Variants in ADAMTS2 observed in about 807,000 individuals in gnomAD.
ADAMTS2 encodes ADAM metallopeptidase with thrombospondin type 1 motif 2.
A neutral mutation model predicts 123.0 loss-of-function variants in ADAMTS2; 50 were observed. The ratio of observed to expected loss-of-function variants is 0.41; its 90% CI spans 0.32 to 0.51. The LOEUF is 0.51. Among genes scored for constraint, ADAMTS2 ranks in the 20% least tolerant of loss-of-function variants. ADAMTS2 has a pLI of 0.35. For synonymous variants in ADAMTS2, 678 were observed against 695.4 expected, an observed-to-expected ratio of 0.98 and a Z score of 0.39; for missense variants, 1,494 against 1,705.2, an observed-to-expected ratio of 0.88 and a Z score of 2.18.
At chr5:179,191,917 G>A (rs775793491) in intron 4 of ADAMTS2, among the ~76,000 whole-genome samples, 4 of 152,306 alleles carry the variant, frequency 2.6e-5, no homozygotes, top group Admixed American at 6.5e-5. Flanking sequence ...TCCTGCTGGC[G>A]AGGGCCAGGG....
intron 17 of ADAMTS2, 71 bp from the exon 18 acceptor site, chr5:179,126,201 C>G: frequency 3.1e-6 from 5 of 1,597,994 alleles, no homozygotes; most frequent in Non-Finnish European, 4.3e-6. Flanking sequence ...GAGGGGTGGG[C>G]TGCACCAGCA....
intron 3 of ADAMTS2, among the ~76,000 whole-genome samples, chr5:179,258,171 G>T (rs1178673649): frequency 2.0e-5 from 3 of 152,146 alleles, no homozygotes; most frequent in African/African-American, 7.2e-5. Flanking sequence ...CTCTGCACAC[G>T]CTGGGGCTGG....
At chr5:179,251,394 C>T (rs1156268659) in intron 3 of ADAMTS2, among the ~76,000 whole-genome samples, 1 of 152,134 alleles carries the variant, frequency 6.6e-6, no homozygotes, top group Admixed American at 6.5e-5. Context: ...AAGCAGGCCT[C>T]AGACCCCCTC....
At chr5:179,200,361 G>C (rs1764533977) in intron 4 of ADAMTS2, among the ~76,000 whole-genome samples, 1 of 147,628 alleles carries the variant, frequency 6.8e-6, no homozygotes, top group African/African-American at 2.5e-5. Flanking sequence ...CCATTCTCCT[G>C]CCTCAGCCTC....
chr5:179,196,059 G>A (rs1004221881), intron 4 of ADAMTS2, among the ~76,000 whole-genome samples: 2 of 152,092 alleles, frequency 1.3e-5, no homozygotes, highest in African/African-American at 4.8e-5. Context: ...ACTCCTGTCC[G>A]ACCACTGCCT....
chr5:179,188,423 G>T lies in ADAMTS2; in HGVS notation c.892-7268C>A, dbSNP rs1764223240. On this transcript the variant is annotated intron_variant, in intron 4 of 21. Transcript: ENST00000251582. This position sits in a 1 kb window ranked among gnomAD's most constrained non-coding sequence, Gnocchi z 5.1. Reference sequence around the variant, plus strand: ...CAGGAGCAGGGGACAGAGGTCTGCTGGCCTCCGTGGAGGAAGAGTTTAGGC... The same window carrying T: ...CAGGAGCAGGGGACAGAGGTCTGCTTGCCTCCGTGGAGGAAGAGTTTAGGC... Among the ~76,000 whole-genome samples, 1 of 152,190 alleles carries T rather than the reference G, an allele frequency of 6.6e-6. No individual in the cohort carries two copies. The highest frequency in any genetic ancestry group is 1.5e-5 in the Non-Finnish European group (1 of 68,036).
intron 4 of ADAMTS2, among the ~76,000 whole-genome samples, chr5:179,186,627 C>T (rs1204223959): frequency 6.6e-6 from 1 of 152,234 alleles, no homozygotes; most frequent in Non-Finnish European, 1.5e-5. Context: ...TAATTCCCGA[C>T]AAAACACTGG....
At chr5:179,311,489 G>C (rs961645574) in intron 2 of ADAMTS2, among the ~76,000 whole-genome samples, 1 of 152,194 alleles carries the variant, frequency 6.6e-6, no homozygotes, top group Non-Finnish European at 1.5e-5. Flanking sequence ...GGACTCTCCT[G>C]CTTGACCAAA....
intron 5 of ADAMTS2, among the ~76,000 whole-genome samples, chr5:179,169,985 G>A (rs992263411): frequency 2.6e-5 from 4 of 152,166 alleles, no homozygotes; most frequent in Admixed American, 6.5e-5. Flanking sequence ...GAGAACAGTT[G>A]AGTAGCTTTG....
chr5:179,128,255 G>C lies in ADAMTS2; in HGVS notation c.2458-137C>G. On this transcript the variant is annotated intron_variant, in intron 16 of 21. Transcript: ENST00000251582. This position sits in a 1 kb window ranked among gnomAD's most constrained non-coding sequence, Gnocchi z 4.9. ...CAGTTACATTCCATGAAGTCGCCCC[G>C]AGCACCAAATTCTTGAATAGGGAGC... 3 of 1,109,164 alleles carry C rather than the reference G, an allele frequency of 2.7e-6. No individual in the cohort carries two copies. The highest frequency in any genetic ancestry group is 4.0e-6 in the Non-Finnish European group (3 of 759,316). 68.7% of individuals were successfully genotyped at this position (1,109,164 alleles called of 1,614,324 possible). A position where few individuals can be genotyped will look rare whatever the true frequency, so the allele number is the denominator to read the frequency against.
chr5:179,199,014 G>A (rs1366220443), intron 4 of ADAMTS2, among the ~76,000 whole-genome samples: 1 of 152,124 alleles, frequency 6.6e-6, no homozygotes, highest in Non-Finnish European at 1.5e-5. Flanking sequence ...CAGAGAACGG[G>A]AGTCTGAGGT....
At position 179,260,619 on chromosome 5, in the gene ADAMTS2, T is replaced by C. The variant is rs768328311; in HGVS notation, c.688+12292A>G. Among the ~76,000 whole-genome samples, 1 of 152,146 alleles carries C rather than the reference T, an allele frequency of 6.6e-6. No individual in the cohort carries two copies. Among genetic ancestry groups the C allele is most frequent in the African/African-American group, 2.4e-5 (1 of 41,432 alleles). ...GGGTTCTAAGCCTGCTCCTCCCTCC[T>C]GATGCAGGAGTCAAAAGGCCTGGCT... On this transcript the variant is annotated intron_variant, in intron 3 of 21. Coordinates refer to ENST00000251582, the MANE Select transcript of ADAMTS2 (RefSeq NM_014244.5). This position sits in a 1 kb window ranked among gnomAD's most constrained non-coding sequence, Gnocchi z 4.2.
chr5:179,207,567 C>T lies in ADAMTS2; in HGVS notation c.837G>A (p.Val279=). The part of the protein sequence containing the change: ...EVLLGVDDSV[V]QFHGKEHVQK... The stretch of plus-strand genomic sequence containing the variant: ...GTACGTGCTCCTTCCCGTGGAACTG[C>T]ACCACAGAGTCATCCACGCCCAGCA... The change falls in exon 4 of 22, where the codon GTG becomes GTA. Residue 279 remains valine (V), a synonymous_variant. Coordinates refer to ENST00000251582, the MANE Select transcript of ADAMTS2 (RefSeq NM_014244.5). 1.2e-6 allele frequency: 2 copies of T among 1,611,494 alleles called. No homozygotes were observed. Among genetic ancestry groups the T allele is most frequent in the Non-Finnish European group, 8.5e-7 (1 of 1,178,878 alleles).
At chr5:179,319,107 G>A (rs1346112504) in intron 2 of ADAMTS2, among the ~76,000 whole-genome samples, 1 of 151,908 alleles carries the variant, frequency 6.6e-6, no homozygotes, top group Non-Finnish European at 1.5e-5. Context: ...CATGCAGCAT[G>A]CATGCACCCA....
intron 3 of ADAMTS2, among the ~76,000 whole-genome samples, chr5:179,235,469 C>T (rs916349583): frequency 6.6e-6 from 1 of 152,222 alleles, no homozygotes; most frequent in African/African-American, 2.4e-5. Context: ...TCCCAGGCTG[C>T]ATGGAAATCA....
rs1287994066 is a variant in ADAMTS2, at chr5:179,285,481, C to A, written c.535-12417G>T. Reference sequence around the variant, plus strand: ...CACTCAGCCCTCTGCAGCCAGCTCCCCCATCTCCATGGCTCCTGCACACAC... The same window carrying A: ...CACTCAGCCCTCTGCAGCCAGCTCCACCATCTCCATGGCTCCTGCACACAC... On this transcript the variant is annotated intron_variant, in intron 2 of 21. Coordinates refer to ENST00000251582, the MANE Select transcript of ADAMTS2 (RefSeq NM_014244.5). This position sits in a 1 kb window ranked among gnomAD's most constrained non-coding sequence, Gnocchi z 4.9. Among the ~76,000 whole-genome samples, 2 of 152,186 alleles carry A rather than the reference C, an allele frequency of 1.3e-5. No individual in the cohort carries two copies. Among genetic ancestry groups the A allele is most frequent in the Non-Finnish European group, 2.9e-5 (2 of 68,034 alleles).
chr5:179,122,981 C>T, intron 19 of ADAMTS2: 1 of 686,762 alleles, frequency 1.5e-6, no homozygotes, highest in Non-Finnish European at 2.5e-6. Context: ...ACCCACATGC[C>T]TGTCTCTCTG....
chr5:179,200,325 C>T (rs567739733), intron 4 of ADAMTS2, among the ~76,000 whole-genome samples: 1 of 150,436 alleles, frequency 6.6e-6, no homozygotes, highest in South Asian at 2.1e-4. Flanking sequence ...CTCAGCTCAC[C>T]GCAACCTCCG....
Position 179,189,515 on chromosome 5 carries a change from T to C in ADAMTS2, c.892-8360A>G, listed in dbSNP as rs1480463686. On this transcript the variant is annotated intron_variant, in intron 4 of 21. Coordinates refer to ENST00000251582, the MANE Select transcript of ADAMTS2 (RefSeq NM_014244.5). The surrounding 1 kb of genome is among the most constrained non-coding windows in gnomAD (Gnocchi z 4.2). Reference sequence around the variant, plus strand: ...GGCGCCCGCCAGTGCGCCTGGTTTTTTTTTTTTTTTTTTTTTTTTTTTTAG... The same window carrying C: ...GGCGCCCGCCAGTGCGCCTGGTTTTCTTTTTTTTTTTTTTTTTTTTTTTAG... Among the ~76,000 whole-genome samples the C allele has an allele frequency of 3.7e-4, 51 of 136,024 alleles. 4 individuals are homozygous for C. Among genetic ancestry groups the C allele is most frequent in the African/African-American group, 9.4e-4 (34 of 36,294 alleles). The allele number at this position is 136,024 out of a possible 152,430, so 89.2% of individuals were successfully genotyped here.
Sources: allele counts gnomAD v4.1 joint callset (sites outside exome capture counted in the v4.1 genomes callset), GRCh38; gene constraint gnomAD v4.1.1; non-coding constraint Gnocchi (gnomAD v3.1); transcripts MANE v1.5; gene names NCBI Gene and HGNC (gene_info 2026-07-23, HGNC 2026-07-21).